MED12L: variants seen among roughly 807,000 people sequenced by gnomAD.
MED12L encodes the protein mediator of RNA polymerase II transcription subunit 12-like protein.
In MED12L, 60 loss-of-function variants were observed where a neutral mutation model predicts 281.3. That is an observed-to-expected ratio of 0.21 (90% CI 0.17 to 0.26). The LOEUF (loss-of-function observed/expected upper bound fraction) is 0.26, where lower values mean the gene tolerates loss of function less well. Among genes scored for constraint, MED12L ranks in the 10% least tolerant of loss-of-function variants. The pLI is 1.00. For missense variants in MED12L, 2,146 were observed against 2,680.9 expected (o/e 0.80, Z 4.41); for synonymous variants, 974 against 987.2 (o/e 0.99, Z 0.25).
chr3:151,129,128 C>T (rs1021621567), intron 5 of MED12L, among the ~76,000 whole-genome samples: 1 of 152,150 alleles, frequency 6.6e-6, no homozygotes, highest in Non-Finnish European at 1.5e-5. Context: ...AGGGAGAGTC[C>T]AATCACAAAT....
At chr3:151,269,066 A>G (rs1198881870) in intron 16 of MED12L, among the ~76,000 whole-genome samples, 1 of 152,218 alleles carries the variant, frequency 6.6e-6, no homozygotes, top group South Asian at 2.1e-4. Flanking sequence ...CTTGCTGAAG[A>G]AGGGAGAAAA....
At chr3:151,280,841 TGGA>T (rs1577221467) in intron 16 of MED12L, among the ~76,000 whole-genome samples, 1 of 151,806 alleles carries the variant, frequency 6.6e-6, no homozygotes, top group East Asian at 1.9e-4. Context: ...TGGCAACCCT[TGGA>T]GAAGTAACTA....
intron 11 of MED12L, among the ~76,000 whole-genome samples, chr3:151,181,043 A>G (rs536653151): frequency 1.2e-4 from 18 of 151,260 alleles, no homozygotes; most frequent in African/African-American, 4.1e-4. Context: ...TAAAAGATTA[A>G]AAAAAAAACA....
chr3:151,416,579 G>C (rs1053723926), intron 43 of MED12L, among the ~76,000 whole-genome samples, 157 bp downstream of exon 43: 2 of 151,968 alleles, frequency 1.3e-5, no homozygotes, highest in South Asian at 2.1e-4. Context: ...CATTGTAGTT[G>C]GTATATTTAT....
intron 43 of MED12L, among the ~76,000 whole-genome samples, chr3:151,423,287 G>A (rs1718490762): frequency 1.3e-5 from 2 of 151,904 alleles, no homozygotes; most frequent in Non-Finnish European, 2.9e-5. Context: ...GTCATCAGCT[G>A]GGATGTGTGG....
chr3:151,244,391 A>G (rs1421203489), intron 16 of MED12L, among the ~76,000 whole-genome samples: 1 of 133,854 alleles, frequency 7.5e-6, no homozygotes, highest in African/African-American at 2.6e-5. Flanking sequence ...AGCAAATGTA[A>G]AAGAACAGAA....
At position 151,436,604 on chromosome 3, in the gene MED12L, C is replaced by A; in HGVS notation, c.*3800C>A. 2 of 908,456 alleles carry A rather than the reference C, an allele frequency of 2.2e-6. No homozygotes were observed. The highest frequency in any genetic ancestry group is 3.4e-5 in the South Asian group (2 of 59,316). The allele number at this position is 908,456 out of a possible 1,614,324, so 56.3% of individuals were successfully genotyped here. On this transcript the variant is annotated 3_prime_UTR_variant, in exon 45 of 45. Transcript: ENST00000687756. The stretch of plus-strand genomic sequence containing the variant: ...TTAATACTGTAAATGTATTCAAATT[C>A]ATTTACATGCCTATGGCTGCCTTTG...
At chr3:151,222,784 T>G (rs769084175) in intron 16 of MED12L, among the ~76,000 whole-genome samples, 1 of 152,174 alleles carries the variant, frequency 6.6e-6, no homozygotes, top group Non-Finnish European at 1.5e-5. Context: ...TTCCCCCAGA[T>G]CCTGTGCCCA....
At chr3:151,121,847 G>T (rs1029945265) in intron 3 of MED12L, among the ~76,000 whole-genome samples, 2 of 151,708 alleles carry the variant, frequency 1.3e-5, no homozygotes, top group African/African-American at 4.8e-5. Context: ...TCCCGAGTAG[G>T]TGGGATTATA....
At chr3:151,410,100 T>G (rs1716779980) in intron 40 of MED12L, among the ~76,000 whole-genome samples, 1 of 152,124 alleles carries the variant, frequency 6.6e-6, no homozygotes, top group African/African-American at 2.4e-5. Context: ...GTGAGTTACT[T>G]ACTCTGAGCT....
At chr3:151,247,528 T>G (rs113890544) in intron 16 of MED12L, among the ~76,000 whole-genome samples, 2 of 148,476 alleles carry the variant, frequency 1.3e-5, no homozygotes, top group East Asian at 2.0e-4. Context: ...AACCAAACAC[T>G]GCATATTCTC....
intron 16 of MED12L, chr3:151,213,133 A>C: frequency 5.5e-6 from 3 of 541,006 alleles, no homozygotes; most frequent in Non-Finnish European, 9.6e-6. Flanking sequence ...GTTTTCTTTG[A>C]TGTTACAAAA....
rs11431846 is a variant in MED12L at position 151,198,342 on chromosome 3, G to GTT, written c.2250+4689_2250+4690dup. 3,169 of 690,354 alleles carry GTT rather than the reference G, an allele frequency of 4.6e-3. 1 individual carries two copies. The highest frequency in any genetic ancestry group is 0.016 in the African/African-American group (812 of 52,104). 42.8% of individuals were successfully genotyped at this position (690,354 alleles called of 1,614,324 possible). ...ATTTTTTCATACTGAGTTTTTTTTT[G>GTT]TTTTTTTTTTTTTTATCTTTCAAAG... is the stretch of plus-strand genomic sequence containing the variant. On this transcript the variant is annotated intron_variant, in intron 16 of 44. Transcript: ENST00000687756.
intron 17 of MED12L, among the ~76,000 whole-genome samples, chr3:151,352,573 G>A (rs1269566216): frequency 6.6e-6 from 1 of 152,160 alleles, no homozygotes; most frequent in African/African-American, 2.4e-5. Context: ...TACTGGTAAG[G>A]AAAACAGACC....
chr3:151,091,498 A>C (rs1055567248), intron 2 of MED12L, among the ~76,000 whole-genome samples: 1 of 152,194 alleles, frequency 6.6e-6, no homozygotes, highest in African/African-American at 2.4e-5. Context: ...AAGGGAAGAC[A>C]TCCAGTTCTG....
At chr3:151,355,524 AATTGATGAGAAATCT>A (rs1444719455) in intron 18 of MED12L, among the ~76,000 whole-genome samples, 1 of 152,204 alleles carries the variant, frequency 6.6e-6, no homozygotes, top group Non-Finnish European at 1.5e-5. Context: ...CCTATATTGC[AATTGATGAGAAATCT>A]GTTGATGATT....
At chr3:151,348,364 G>A (rs73157981) in intron 16 of MED12L, among the ~76,000 whole-genome samples, 782 of 117,910 alleles carry the variant, frequency 6.6e-3, no homozygotes, top group Middle Eastern at 9.5e-3. Context: ...AAAAAAAAAA[G>A]AAAAAAGAAA....
intron 16 of MED12L, among the ~76,000 whole-genome samples, chr3:151,206,012 CCAGTT>C (rs1255844671): frequency 6.6e-6 from 1 of 151,996 alleles, no homozygotes; most frequent in African/African-American, 2.4e-5. Context: ...CTGTGCAACT[CCAGTT>C]CAGCCCTCTC....
At chr3:151,096,950 A>C (rs750131239) in intron 2 of MED12L, among the ~76,000 whole-genome samples, 61 of 152,202 alleles carry the variant, frequency 4.0e-4, no homozygotes, top group Non-Finnish European at 6.6e-4. Flanking sequence ...TCAGCTCACC[A>C]CTTGATCCTC....
Sources: gnomAD v4.1 joint callset for allele counts (sites outside exome capture counted in the v4.1 genomes callset) on GRCh38, gnomAD v4.1.1 for gene constraint, MANE v1.5 for transcripts, NCBI Gene and HGNC (gene_info 2026-07-23, HGNC 2026-07-21) for gene names.